The following RAB6B variants were observed in gnomAD, a reference collection of about 807,000 sequenced individuals.
RAB6B encodes the protein ras-related protein Rab-6B.
In RAB6B, 7 loss-of-function variants were observed where a neutral mutation model predicts 31.2. The ratio of observed to expected loss-of-function variants is 0.22; its 90% CI spans 0.13 to 0.42. The LOEUF (loss-of-function observed/expected upper bound fraction) is 0.42, where lower values mean the gene tolerates loss of function less well. RAB6B is among the 10% of genes least tolerant of loss of function. The pLI is 1.00. For missense variants in RAB6B, 149 were observed against 280.6 expected, an observed-to-expected ratio of 0.53 and a Z score of 3.35; for synonymous variants, 105 against 104.9, an observed-to-expected ratio of 1.00 and a Z score of -0.01.
At chr3:133,833,235 G>A (rs1356083386) in intron 7 of RAB6B, among the ~76,000 whole-genome samples, 1 of 152,176 alleles carries the variant, frequency 6.6e-6, no homozygotes, top group East Asian at 1.9e-4. Context: ...TCTGGAGCCT[G>A]TCTCTGCTAC....
At chr3:133,860,282 C>T (rs1307946548) in intron 2 of RAB6B, among the ~76,000 whole-genome samples, 1 of 152,186 alleles carries the variant, frequency 6.6e-6, no homozygotes, top group Non-Finnish European at 1.5e-5. Context: ...AGGGTGGGTC[C>T]TTAAATCCAG....
intron 1 of RAB6B, among the ~76,000 whole-genome samples, chr3:133,886,279 C>T (rs1009732566): frequency 5.3e-5 from 8 of 152,224 alleles, no homozygotes; most frequent in African/African-American, 1.4e-4. Flanking sequence ...AAGCACATCA[C>T]GCCCATAGCC....
intron 7 of RAB6B, among the ~76,000 whole-genome samples, chr3:133,832,907 C>T (rs1314587769): frequency 6.6e-6 from 1 of 152,178 alleles, no homozygotes; most frequent in Non-Finnish European, 1.5e-5. Context: ...AGCTCACTGT[C>T]ACCCTGCACT....
intron 1 of RAB6B, among the ~76,000 whole-genome samples, chr3:133,881,483 C>A (rs898171604): frequency 1.4e-4 from 22 of 152,200 alleles, no homozygotes; most frequent in African/African-American, 5.1e-4. Context: ...TGGAAACACA[C>A]AACATGGGAA....
chr3:133,841,455 G>C, intron 3 of RAB6B, 65 bp from the exon 4 acceptor site: 2 of 1,562,298 alleles, frequency 1.3e-6, no homozygotes, highest in South Asian at 2.2e-5. Flanking sequence ...CTCCTGGTCC[G>C]GGGGACTGGG....
chr3:133,891,014 A>C (rs1936630568), intron 1 of RAB6B, among the ~76,000 whole-genome samples: 1 of 152,168 alleles, frequency 6.6e-6, no homozygotes, highest in Admixed American at 6.5e-5. Context: ...AGAGCAGGTA[A>C]GTCTGGAAAT....
In RAB6B at chr3:133,890,969, T is replaced by C. The variant is rs183768892; in HGVS notation, c.70+4428A>G. 4.6e-5 allele frequency among the ~76,000 whole-genome samples: 7 copies of C among 152,316 alleles called. No homozygotes were observed. The East Asian group carries it at 1.2e-3, about 25-fold the overall frequency. On this transcript the variant is annotated intron_variant, in intron 1 of 7. Transcript: ENST00000285208. Reference sequence around the variant, plus strand: ...CATGGTGTGTGGCCAGGTGGGCTGGTAGCCCAGGGGAGCAGGAGTGGAAGT... The same window carrying C: ...CATGGTGTGTGGCCAGGTGGGCTGGCAGCCCAGGGGAGCAGGAGTGGAAGT...
In RAB6B at chr3:133,828,166, C is replaced by G. The variant is rs139762506; in HGVS notation, c.*622G>C. On this transcript the variant is annotated 3_prime_UTR_variant, in exon 8 of 8. Transcript: ENST00000285208. Reference sequence around the variant, plus strand: ...CACAGACCTTGGTCTCAGCTCCACACGAGGTTGACGACCCACTCTGGCCAT... The same window carrying G: ...CACAGACCTTGGTCTCAGCTCCACAGGAGGTTGACGACCCACTCTGGCCAT... The G allele has an allele frequency of 1.7e-6, 1 of 591,686 alleles. No individual in the cohort carries two copies. Among genetic ancestry groups the G allele is most frequent in the Non-Finnish European group, 3.0e-6 (1 of 331,646 alleles). 36.7% of individuals were successfully genotyped at this position (591,686 alleles called of 1,614,324 possible).
chr3:133,864,252 C>A (rs1445542403), intron 2 of RAB6B, among the ~76,000 whole-genome samples: 1 of 152,148 alleles, frequency 6.6e-6, no homozygotes, highest in African/African-American at 2.4e-5. Flanking sequence ...CTAACACTCT[C>A]ATTTTCATCT....
chr3:133,864,553 T>C (rs766818243), intron 2 of RAB6B, 31 bp downstream of exon 2: 26 of 1,605,044 alleles, frequency 1.6e-5, no homozygotes, highest in Non-Finnish European at 2.0e-5. Context: ...CACTGCCAGA[T>C]GATATGGAGG....
chr3:133,894,506 T>A (rs1169249506), intron 1 of RAB6B: 1 of 152,174 alleles, frequency 6.6e-6, no homozygotes, highest in Non-Finnish European at 1.5e-5. Context: ...AGAAGGGCGG[T>A]GAGCTGGGAG....
chr3:133,833,853 G>A (rs1431318759), intron 7 of RAB6B, among the ~76,000 whole-genome samples: 1 of 152,218 alleles, frequency 6.6e-6, no homozygotes. Flanking sequence ...GTGGGCAATG[G>A]CTTCCCCTGC....
chr3:133,828,815 CG>C lies in RAB6B; in HGVS notation c.599del (p.Pro200ArgfsTer19). ...AGCAGGAGCAGCCGCCCTCGCTGGCCGGGGGCTCCTGGGGTTTGTCCAGCTT... is the reference window on the plus strand; with the variant it reads ...AGCAGGAGCAGCCGCCCTCGCTGGCCGGGGCTCCTGGGGTTTGTCCAGCTT... ...DIKLDKPQEPPASEGGCSC is the reference protein window; with the variant it reads ...DIKLDKPQEPXASEGGCSC On this transcript the variant is annotated frameshift_variant, in exon 8 of 8. Coordinates refer to ENST00000285208, the MANE Select transcript of RAB6B (RefSeq NM_016577.4). LOFTEE classifies it high-confidence loss of function. 1.2e-6 allele frequency: 2 copies of C among 1,613,066 alleles called. No individual in the cohort carries two copies.
intron 7 of RAB6B, among the ~76,000 whole-genome samples, chr3:133,834,370 G>T (rs1225334777): frequency 6.6e-6 from 1 of 152,164 alleles, no homozygotes; most frequent in Non-Finnish European, 1.5e-5. Flanking sequence ...TATTCTGGAA[G>T]AAGAAGTAGA....
At chr3:133,836,270 G>A (rs1935733402) in intron 6 of RAB6B, among the ~76,000 whole-genome samples, 2 of 152,218 alleles carry the variant, frequency 1.3e-5, no homozygotes, top group South Asian at 2.1e-4. Context: ...AAGGGCCCAG[G>A]CCATCCTTCC....
intron 2 of RAB6B, among the ~76,000 whole-genome samples, chr3:133,854,750 T>C (rs1449136456): frequency 6.6e-6 from 1 of 152,250 alleles, no homozygotes; most frequent in African/African-American, 2.4e-5. Context: ...CAGTGCAGAA[T>C]GACAGTACAT....
chr3:133,828,897 G>A (rs772722900), intron 7 of RAB6B, 45 bp from the exon 8 acceptor site: 3 of 1,518,948 alleles, frequency 2.0e-6, no homozygotes, highest in African/African-American at 2.8e-5. Context: ...TGGACAAGCT[G>A]CCACCCCACT....
intron 1 of RAB6B, among the ~76,000 whole-genome samples, chr3:133,889,020 T>C (rs73217265): frequency 0.16 from 23,665 of 152,210 alleles, 2,085 homozygotes; most frequent in Middle Eastern, 0.21. Context: ...TGGAAAAGAA[T>C]GGCAGACGCA....
intron 1 of RAB6B, among the ~76,000 whole-genome samples, chr3:133,874,844 G>C (rs1298811844): frequency 6.7e-6 from 1 of 150,120 alleles, no homozygotes; most frequent in Non-Finnish European, 1.5e-5. Context: ...TAAAAACTAA[G>C]ACACAAGCAT....
Sources: gnomAD v4.1 joint callset for allele counts (sites outside exome capture counted in the v4.1 genomes callset) on GRCh38, gnomAD v4.1.1 for gene constraint, MANE v1.5 for transcripts, NCBI Gene and HGNC (gene_info 2026-07-23, HGNC 2026-07-21) for gene names.